SYT1: variants seen among roughly 807,000 people sequenced by gnomAD.
SYT1 encodes synaptotagmin 1.
SYT1 carries 8 observed loss-of-function variants against 44.8 expected under a neutral mutation model. The ratio of observed to expected loss-of-function variants is 0.18; its 90% CI spans 0.10 to 0.32. The LOEUF (loss-of-function observed/expected upper bound fraction) is 0.32. SYT1 is among the 10% of genes least tolerant of loss of function. The pLI is 1.00. For synonymous variants in SYT1, 154 were observed against 188.8 expected (o/e 0.82, Z 1.51); for missense variants, 286 against 509.3 (o/e 0.56, Z 4.22).
intron 10 of SYT1, among the ~76,000 whole-genome samples, chr12:79,448,340 T>C (rs1363589479): frequency 6.6e-6 from 1 of 152,230 alleles, no homozygotes; most frequent in African/African-American, 2.4e-5. Context: ...CACTATACTA[T>C]CATGTTTTAT....
intron 8 of SYT1, among the ~76,000 whole-genome samples, chr12:79,310,092 A>C (rs1880694446): frequency 6.6e-6 from 1 of 152,168 alleles, no homozygotes; most frequent in Non-Finnish European, 1.5e-5. Context: ...GTCCTTGCCC[A>C]TGCCTATGTA....
At chr12:79,313,810 ACT>A (rs1880932548) in intron 8 of SYT1, among the ~76,000 whole-genome samples, 1 of 152,058 alleles carries the variant, frequency 6.6e-6, no homozygotes, top group Admixed American at 6.6e-5. Flanking sequence ...GTTGTGACAC[ACT>A]CTAAATGAGA....
chr12:79,168,348 C>T (rs1421584222), intron 3 of SYT1, among the ~76,000 whole-genome samples: 1 of 151,996 alleles, frequency 6.6e-6, no homozygotes, highest in Non-Finnish European at 1.5e-5. Context: ...TGAACCAAAA[C>T]CGTGTCAGGC....
intron 2 of SYT1, among the ~76,000 whole-genome samples, chr12:78,985,397 T>C (rs1434967474): frequency 2.0e-5 from 3 of 151,890 alleles, no homozygotes; most frequent in African/African-American, 7.2e-5. Context: ...ATATATTCTT[T>C]CTAAAATAAC....
intron 3 of SYT1, among the ~76,000 whole-genome samples, chr12:79,062,979 A>T (rs1037567287): frequency 1.3e-5 from 2 of 152,154 alleles, no homozygotes; most frequent in African/African-American, 4.8e-5. Context: ...AAGAATGATT[A>T]CTTCTATCTT....
chr12:78,931,266 G>A (rs1235578268), intron 1 of SYT1, among the ~76,000 whole-genome samples: 5 of 80,240 alleles, frequency 6.2e-5, no homozygotes, highest in Non-Finnish European at 5.3e-5. Context: ...AAGGAAGGAA[G>A]GAAGGAAGGA....
chr12:79,374,403 TTG>T (rs1883911412), intron 9 of SYT1, among the ~76,000 whole-genome samples: 1 of 152,242 alleles, frequency 6.6e-6, no homozygotes, highest in South Asian at 2.1e-4. Flanking sequence ...TGATTAAGTT[TTG>T]TCTTTATAGA....
chr12:79,045,478 G>C (rs1327038886), intron 2 of SYT1: 1 of 155,874 alleles, frequency 6.4e-6, no homozygotes, highest in Non-Finnish European at 1.4e-5. Flanking sequence ...CCCTGTTTCG[G>C]CTCGCGCACG....
intron 3 of SYT1, among the ~76,000 whole-genome samples, chr12:79,074,375 C>T (rs1403675480): frequency 6.6e-6 from 1 of 152,124 alleles, no homozygotes; most frequent in Non-Finnish European, 1.5e-5. Context: ...GGCTCCAGAT[C>T]CAAGTGACAC....
At chr12:79,238,953 C>T (rs1476596553) in intron 4 of SYT1, among the ~76,000 whole-genome samples, 1 of 152,214 alleles carries the variant, frequency 6.6e-6, no homozygotes, top group Non-Finnish European at 1.5e-5. Flanking sequence ...TTGGAATTCT[C>T]CATAAGCCTC....
At chr12:79,180,992 C>T (rs1872507161) in intron 3 of SYT1, among the ~76,000 whole-genome samples, 1 of 152,000 alleles carries the variant, frequency 6.6e-6, no homozygotes, top group Admixed American at 6.6e-5. Context: ...GTGATTTTCC[C>T]CTCTTCACTC....
At chr12:79,311,697 G>A (rs1364336076) in intron 8 of SYT1, among the ~76,000 whole-genome samples, 2 of 141,594 alleles carry the variant, frequency 1.4e-5, no homozygotes, top group African/African-American at 5.3e-5. Context: ...CATAAAAAAT[G>A]ATGAGTTCAT....
At chr12:78,908,623 G>T (rs990198095) in intron 1 of SYT1, among the ~76,000 whole-genome samples, 15 of 151,878 alleles carry the variant, frequency 9.9e-5, no homozygotes, top group African/African-American at 3.6e-4. Flanking sequence ...CTAAAATATG[G>T]TTTTCCCATG....
intron 2 of SYT1, among the ~76,000 whole-genome samples, chr12:79,033,794 G>T (rs1425209342): frequency 6.6e-6 from 1 of 151,264 alleles, no homozygotes; most frequent in Non-Finnish European, 1.5e-5. Flanking sequence ...GTGGCTATTT[G>T]GGTTAACATG....
chr12:78,977,178 A>C (rs995333382), intron 1 of SYT1, among the ~76,000 whole-genome samples: 3 of 152,162 alleles, frequency 2.0e-5, no homozygotes, highest in Non-Finnish European at 4.4e-5. Flanking sequence ...GGAATATTGA[A>C]GTATTTGATA....
At chr12:78,966,391 G>A (rs1285024074) in intron 1 of SYT1, among the ~76,000 whole-genome samples, 1 of 152,034 alleles carries the variant, frequency 6.6e-6, no homozygotes, top group African/African-American at 2.4e-5. Flanking sequence ...GAAAACCCAA[G>A]AAATTGAACA....
chr12:79,088,295 C>T (rs368438990), intron 3 of SYT1, among the ~76,000 whole-genome samples: 9 of 152,026 alleles, frequency 5.9e-5, no homozygotes, highest in Admixed American at 5.2e-4. Flanking sequence ...TGAAGGGAAT[C>T]TTCCTTACCC....
rs553345667 is a variant in SYT1 at position 79,092,673 on chromosome 12, G to A, written c.-18+45311G>A. 2.0e-4 allele frequency among the ~76,000 whole-genome samples: 30 copies of A among 151,652 alleles called. 2 individuals are homozygous for A. In the South Asian group the frequency reaches 5.0e-3, roughly 25 times the overall value. On this transcript the variant is annotated intron_variant, in intron 3 of 10. Transcript: ENST00000261205. ...GAGTTCAGTTTTTTCACTGAAGTTC[G>A]GAATTCTTACCCAGTCAAATACTAC...
chr12:79,323,466 G>C (rs760695100), intron 8 of SYT1, among the ~76,000 whole-genome samples: 12 of 152,090 alleles, frequency 7.9e-5, no homozygotes, highest in Non-Finnish European at 1.2e-4. Context: ...GGTACCTTGT[G>C]AAAAAATAGG....
Sources: allele counts gnomAD v4.1 joint callset (sites outside exome capture counted in the v4.1 genomes callset), GRCh38; gene constraint gnomAD v4.1.1; transcripts MANE v1.5; gene names NCBI Gene and HGNC (gene_info 2026-07-23, HGNC 2026-07-21).